The following PDSS2 variants were observed in gnomAD, a reference collection of about 807,000 sequenced individuals.
PDSS2 encodes all trans-polyprenyl-diphosphate synthase PDSS2.
Under a neutral mutation model 44.5 loss-of-function variants are expected in PDSS2, and 31 were observed. That is an observed-to-expected ratio of 0.70 (90% CI 0.52 to 0.94). The LOEUF is 0.94. Among genes scored for constraint, PDSS2 ranks in the 40% least tolerant of loss-of-function variants. The probability of loss-of-function intolerance (pLI) is 0.00; values close to 1 mark genes in which losing one functional copy is unlikely to be tolerated. For missense variants in PDSS2, 452 were observed against 482.2 expected (o/e 0.94, Z 0.59); for synonymous variants, 157 against 180.3 (o/e 0.87, Z 1.03).
chr6:107,177,632 A>C (rs1771839675), intron 7 of PDSS2, among the ~76,000 whole-genome samples: 1 of 152,222 alleles, frequency 6.6e-6, no homozygotes, highest in African/African-American at 2.4e-5. Flanking sequence ...ATTCAAAGTT[A>C]ATTTTTAATT....
chr6:107,318,053 G>C (rs566978941), intron 2 of PDSS2, among the ~76,000 whole-genome samples: 1 of 152,246 alleles, frequency 6.6e-6, no homozygotes, highest in East Asian at 1.9e-4. Flanking sequence ...CAGAAGCTCA[G>C]ATTGGCAGTT....
intron 3 of PDSS2, 53 bp downstream of exon 3, chr6:107,273,976 A>C: frequency 7.0e-7 from 1 of 1,438,790 alleles, no homozygotes; most frequent in Non-Finnish European, 9.8e-7. Context: ...CCAGCAGCCA[A>C]CTAATTGCTA....
At chr6:107,212,081 GAA>G (rs755714832) in intron 5 of PDSS2, 26 bp downstream of exon 5, 1 of 1,596,864 alleles carries the variant, frequency 6.3e-7, no homozygotes. Flanking sequence ...TTTAAGTACT[GAA>G]AAAAGATAAA....
intron 1 of PDSS2, among the ~76,000 whole-genome samples, chr6:107,358,898 G>T (rs1053710193): frequency 2.0e-5 from 3 of 150,192 alleles, no homozygotes; most frequent in Non-Finnish European, 4.4e-5. Context: ...GCCTTTGGTT[G>T]AAAAAAATCA....
At chr6:107,265,020 A>G (rs986449502) in intron 3 of PDSS2, among the ~76,000 whole-genome samples, 1 of 152,238 alleles carries the variant, frequency 6.6e-6, no homozygotes, top group South Asian at 2.1e-4. Context: ...CCAAGCATTA[A>G]TTTTTAAATT....
At chr6:107,409,455 T>C (rs1271707329) in intron 1 of PDSS2, among the ~76,000 whole-genome samples, 2 of 152,182 alleles carry the variant, frequency 1.3e-5, no homozygotes, top group Non-Finnish European at 2.9e-5. Context: ...AGCTGCTTTC[T>C]TACAGTTTGA....
intron 1 of PDSS2, among the ~76,000 whole-genome samples, chr6:107,438,653 CT>C (rs1458753382): frequency 2.0e-5 from 3 of 152,170 alleles, no homozygotes; most frequent in Admixed American, 6.5e-5. Flanking sequence ...GGCCAAATCC[CT>C]TTTGGAAGGT....
chr6:107,255,349 C>T (rs1277091403), intron 3 of PDSS2, among the ~76,000 whole-genome samples: 7 of 151,866 alleles, frequency 4.6e-5, no homozygotes, highest in African/African-American at 7.2e-5. Flanking sequence ...TCTGCTACCA[C>T]GCCTGGCTAA....
chr6:107,449,449 CT>C lies in PDSS2; in HGVS notation c.296+9540del, dbSNP rs534436969. 7.9e-4 allele frequency among the ~76,000 whole-genome samples: 120 copies of C among 152,284 alleles called. 1 individual carries two copies. The highest frequency in any genetic ancestry group is 2.7e-3 in the African/African-American group (112 of 41,552). On this transcript the variant is annotated intron_variant, in intron 1 of 7. Transcript: ENST00000369037. ...CTATTAAACAACTCTCCATTTCCCC[CT>C]TCTTCCAGTCCCTGGAGACCACCTT...
chr6:107,446,170 G>T (rs755703987), intron 1 of PDSS2, among the ~76,000 whole-genome samples: 7 of 152,026 alleles, frequency 4.6e-5, no homozygotes, highest in Non-Finnish European at 1.0e-4. Flanking sequence ...ACAAAAGTTA[G>T]CTGGGCGTGG....
chr6:107,255,108 T>C (rs1200803557), intron 3 of PDSS2, among the ~76,000 whole-genome samples: 1 of 152,146 alleles, frequency 6.6e-6, no homozygotes, highest in East Asian at 1.9e-4. Flanking sequence ...TGACTTTGTA[T>C]TCCCAAAGTG....
intron 1 of PDSS2, among the ~76,000 whole-genome samples, chr6:107,448,599 A>G (rs780470275): frequency 2.6e-5 from 4 of 152,288 alleles, no homozygotes; most frequent in Admixed American, 1.3e-4. Context: ...GGAAGTTCCA[A>G]ACTTTCCCAC....
intron 6 of PDSS2, among the ~76,000 whole-genome samples, chr6:107,204,706 A>G (rs534286584): frequency 3.5e-4 from 53 of 152,204 alleles, no homozygotes; most frequent in Non-Finnish European, 2.9e-5. Context: ...GACTTTTCCA[A>G]CTGAACATCA....
At chr6:107,266,596 T>C (rs1372490545) in intron 3 of PDSS2, among the ~76,000 whole-genome samples, 2 of 152,098 alleles carry the variant, frequency 1.3e-5, no homozygotes, top group Non-Finnish European at 2.9e-5. Flanking sequence ...AAAATGCAAA[T>C]TTAAAGGTGT....
intron 1 of PDSS2, among the ~76,000 whole-genome samples, chr6:107,406,944 CAAG>C (rs1780339739): frequency 6.6e-6 from 1 of 152,156 alleles, no homozygotes; most frequent in South Asian, 2.1e-4. Flanking sequence ...AAAGGAAGAA[CAAG>C]AAGTCAGTGA....
chr6:107,194,868 C>T (rs1263147374), intron 6 of PDSS2, among the ~76,000 whole-genome samples: 1 of 152,028 alleles, frequency 6.6e-6, no homozygotes, highest in African/African-American at 2.4e-5. Context: ...ACAAGAAAAT[C>T]GCTTGAACCC....
chr6:107,227,962 C>T (rs1773891386), intron 4 of PDSS2, among the ~76,000 whole-genome samples: 1 of 152,164 alleles, frequency 6.6e-6, no homozygotes. Context: ...AGCCTATAGA[C>T]AGATGGTAAT....
chr6:107,436,364 G>A (rs1287992573), intron 1 of PDSS2, among the ~76,000 whole-genome samples: 1 of 152,062 alleles, frequency 6.6e-6, no homozygotes, highest in Non-Finnish European at 1.5e-5. Flanking sequence ...TAAACAAAAG[G>A]AATTATTATA....
chr6:107,311,810 T>C (rs1468998937), intron 2 of PDSS2, among the ~76,000 whole-genome samples: 1 of 152,230 alleles, frequency 6.6e-6, no homozygotes, highest in Non-Finnish European at 1.5e-5. Context: ...GCTGTGACTA[T>C]TGACCTTTTA....
Sources: gnomAD v4.1 joint callset for allele counts (sites outside exome capture counted in the v4.1 genomes callset) on GRCh38, gnomAD v4.1.1 for gene constraint, MANE v1.5 for transcripts, NCBI Gene and HGNC (gene_info 2026-07-23, HGNC 2026-07-21) for gene names.